Variants in ZNF10 observed in about 807,000 individuals in gnomAD.
The protein encoded by ZNF10 is zinc finger protein 10 (KOX 1).
A neutral mutation model predicts 12.2 loss-of-function variants in ZNF10; 8 were observed. That is an observed-to-expected ratio of 0.66 (90% CI 0.39 to 1.18). ZNF10 has a LOEUF of 1.18. Ranked by LOEUF, ZNF10 falls within the 50% of genes most tolerant of loss-of-function variation. The pLI, the probability that ZNF10 is intolerant of heterozygous loss-of-function variation, is 0.01. For missense variants in ZNF10, 603 were observed against 678.9 expected (o/e 0.89, Z 1.24); for synonymous variants, 229 against 228.2 (o/e 1.00, Z -0.03).
intron 1 of ZNF10, among the ~76,000 whole-genome samples, chr12:133,134,006 AAG>A (rs754004582): frequency 1.1e-4 from 17 of 152,106 alleles, no homozygotes; most frequent in Non-Finnish European, 2.4e-4. Context: ...TTAAAAGTAA[AAG>A]AGCTGGGTGG....
intron 1 of ZNF10, among the ~76,000 whole-genome samples, chr12:133,133,059 T>C (rs1019994684): frequency 1.3e-5 from 2 of 152,250 alleles, no homozygotes; most frequent in African/African-American, 4.8e-5. Flanking sequence ...CTATATTTGT[T>C]TAGATTTTTC....
chr12:133,140,098 G>A (rs1375219377), intron 1 of ZNF10, among the ~76,000 whole-genome samples: 1 of 150,982 alleles, frequency 6.6e-6, no homozygotes, highest in African/African-American at 2.4e-5. Flanking sequence ...AGATACTCAG[G>A]AGGCTGAGGC....
chr12:133,133,824 C>T (rs1402392822), intron 1 of ZNF10, among the ~76,000 whole-genome samples: 1 of 152,224 alleles, frequency 6.6e-6, no homozygotes, highest in Non-Finnish European at 1.5e-5. Context: ...CAGCCCATCT[C>T]TGCCCTTGTG....
chr12:133,148,223 C>T (rs1008076209), intron 2 of ZNF10, among the ~76,000 whole-genome samples: 3 of 152,108 alleles, frequency 2.0e-5, no homozygotes, highest in African/African-American at 4.8e-5. Context: ...AGCGTCGAAG[C>T]GATTCTCATG....
chr12:133,150,568 GTT>G (rs756080370), intron 2 of ZNF10, among the ~76,000 whole-genome samples: 2 of 133,788 alleles, frequency 1.5e-5, no homozygotes. Flanking sequence ...CAACTCTTCT[GTT>G]TTTTTTTTTT....
At position 133,156,669 on chromosome 12, in the gene ZNF10, G is replaced by T. The variant is rs1956044202; in HGVS notation, c.1423G>T (p.Ala475Ser). The change falls in exon 5 of 5, where the codon GCC becomes TCC. Residue 475 changes from alanine (A) to serine (S), a missense_variant. Coordinates refer to ENST00000248211, the MANE Select transcript of ZNF10 (RefSeq NM_015394.5). ...TGGAAAATCTTTCAGCCAGAGTTCT[G>T]CCCTTATTGTGCATCAGAGGATACA... is the stretch of plus-strand genomic sequence containing the variant. ...DCGKSFSQSSALIVHQRIHTG... is the reference protein window; with the variant it reads ...DCGKSFSQSSSLIVHQRIHTG... 1 of 1,613,922 alleles carries T rather than the reference G, an allele frequency of 6.2e-7. No individual in the cohort carries two copies. Among genetic ancestry groups the T allele is most frequent in the Non-Finnish European group, 8.5e-7 (1 of 1,180,004 alleles).
chr12:133,151,854 G>C lies in ZNF10; in HGVS notation c.206G>C (p.Gly69Ala). 6.2e-7 allele frequency: 1 copy of C among 1,613,666 alleles called. No individual in the cohort carries two copies. Among genetic ancestry groups the C allele is most frequent in the Non-Finnish European group, 8.5e-7 (1 of 1,179,710 alleles). ...KPDVILRLEK[G>A]EEPWLVEREI... ...GATGTGATCCTCCGGTTGGAGAAGG[G>C]AGAAGAGCCCTGGCTGGTGGAGAGA... Residue 69 changes from glycine (G) to alanine (A), a missense_variant, in exon 4 of 5, where the codon GGA (glycine) becomes GCA (alanine). Transcript: ENST00000248211.
At chr12:133,137,509 C>G (rs533654951) in intron 1 of ZNF10, among the ~76,000 whole-genome samples, 1 of 152,312 alleles carries the variant, frequency 6.6e-6, no homozygotes, top group South Asian at 2.1e-4. Context: ...GTTCCCCAAC[C>G]TCCCTTACCT....
chr12:133,138,168 C>T (rs2135458168), intron 1 of ZNF10, among the ~76,000 whole-genome samples: 1 of 152,070 alleles, frequency 6.6e-6, no homozygotes, highest in East Asian at 1.9e-4. Flanking sequence ...GAGTTTAAAA[C>T]CGCTGGGTTA....
At chr12:133,140,202 C>CAAAAAAAAA (rs67577219) in intron 1 of ZNF10, among the ~76,000 whole-genome samples, 1 of 35,202 alleles carries the variant, frequency 2.8e-5, no homozygotes, top group African/African-American at 6.3e-5. Flanking sequence ...GACCCTGTCT[C>CAAAAAAAAA]AAAAAAAAAA....
intron 1 of ZNF10, among the ~76,000 whole-genome samples, chr12:133,133,344 G>A (rs964036854): frequency 2.0e-5 from 3 of 152,124 alleles, no homozygotes; most frequent in African/African-American, 7.2e-5. Flanking sequence ...AGTGAAATGC[G>A]GTTCCTGACG....
At chr12:133,135,057 C>T (rs974292657) in intron 1 of ZNF10, among the ~76,000 whole-genome samples, 3 of 152,146 alleles carry the variant, frequency 2.0e-5, no homozygotes, top group Non-Finnish European at 4.4e-5. Context: ...TTACAATCTG[C>T]TTGAGGGAGG....
chr12:133,156,858 G>A lies in ZNF10; in HGVS notation c.1612G>A (p.Ala538Thr). 6.5e-7 allele frequency: 1 copy of A among 1,527,614 alleles called. No individual in the cohort carries two copies. The highest frequency in any genetic ancestry group is 8.8e-7 in the Non-Finnish European group (1 of 1,140,898). 94.6% of individuals were successfully genotyped at this position (1,527,614 alleles called of 1,614,324 possible). The change falls in exon 5 of 5, where the codon GCT becomes ACT. Residue 538 changes from alanine (A) to threonine (T), a missense_variant. Physicochemically the swap from Ala to Thr is moderately conservative, Grantham distance 58. Transcript: ENST00000248211. Reference protein sequence around the residue: ...QNSPFIVHQIAHTGEQFLTCN... With the variant: ...QNSPFIVHQITHTGEQFLTCN... ...CTCTCCATTTATAGTTCATCAAATA[G>A]CTCACACTGGAGAGCAGTTCTTAAC...
intron 2 of ZNF10, among the ~76,000 whole-genome samples, chr12:133,150,197 G>A (rs181101936): frequency 1.3e-5 from 2 of 152,274 alleles, no homozygotes; most frequent in East Asian, 3.9e-4. Flanking sequence ...TTTCTCTCTG[G>A]TATCATTTCC....
Position 133,157,126 on chromosome 12 carries a change from C to T in ZNF10, c.*158C>T. 1 of 597,782 alleles carries T rather than the reference C, an allele frequency of 1.7e-6. No homozygotes were observed. The highest frequency in any genetic ancestry group is 3.5e-5 in the East Asian group (1 of 28,878). The allele number at this position is 597,782 out of a possible 1,614,324, so 37.0% of individuals were successfully genotyped here. On this transcript the variant is annotated 3_prime_UTR_variant, in exon 5 of 5. Coordinates refer to ENST00000248211, the MANE Select transcript of ZNF10 (RefSeq NM_015394.5). ...TTGGTCCTGGAAGGGAAAGAAACCA[C>T]AGATTTTATTTCAGTACACAAATCC...
intron 1 of ZNF10, among the ~76,000 whole-genome samples, chr12:133,136,038 T>A (rs1955909322): frequency 6.6e-6 from 1 of 152,216 alleles, no homozygotes; most frequent in Admixed American, 6.5e-5. Flanking sequence ...GCAAATAGCC[T>A]TGCTTTCTTT....
At chr12:133,133,779 T>A (rs997882321) in intron 1 of ZNF10, among the ~76,000 whole-genome samples, 1 of 152,224 alleles carries the variant, frequency 6.6e-6, no homozygotes, top group Non-Finnish European at 1.5e-5. Context: ...ATAGTAACTT[T>A]CATAGCCTTC....
rs768611148 is a variant in ZNF10 at position 133,156,427 on chromosome 12, T to C, written c.1181T>C (p.Leu394Pro). The change falls in exon 5 of 5, where the codon CTG becomes CCG. Residue 394 changes from leucine (L) to proline (P), a missense_variant. By Grantham distance (98) the Leu-to-Pro change is moderately conservative. Transcript: ENST00000248211. The part of the protein sequence containing the change: ...KSFRQSTHLI[L>P]HQRTHVRVRP... ...TTCAGACAGAGCACACATCTCATTC[T>C]GCATCAGAGAACCCATGTGAGAGTG... is the stretch of plus-strand genomic sequence containing the variant. The C allele has an allele frequency of 2.5e-6, 4 of 1,613,590 alleles. No individual in the cohort carries two copies.
chr12:133,137,433 G>A (rs2135457850), intron 1 of ZNF10, among the ~76,000 whole-genome samples: 1 of 152,208 alleles, frequency 6.6e-6, no homozygotes, highest in Admixed American at 6.5e-5. Flanking sequence ...TAAACTATAT[G>A]CACTAGAAGT....
Sources: gnomAD v4.1 joint callset for allele counts (sites outside exome capture counted in the v4.1 genomes callset) on GRCh38, gnomAD v4.1.1 for gene constraint, MANE v1.5 for transcripts, NCBI Gene and HGNC (gene_info 2026-07-23, HGNC 2026-07-21) for gene names.